RGS12: variants seen among roughly 807,000 people sequenced by gnomAD.
RGS12 encodes regulator of G protein signaling 12, also known as regulator of G-protein signaling 12.
In RGS12, 66 loss-of-function variants were observed where a neutral mutation model predicts 120.1. The ratio of observed to expected loss-of-function variants is 0.55; its 90% confidence interval spans 0.45 to 0.67. The LOEUF is 0.67. Ranked by LOEUF, RGS12 falls within the 30% of genes least tolerant of loss-of-function variation. The pLI is 0.00. For missense variants in RGS12, 1,859 were observed against 1,957.7 expected (o/e 0.95, Z 0.95); for synonymous variants, 827 against 804.7 (o/e 1.03, Z -0.47).
chr4:3,286,595 C>A, the RGS12 span, among the ~76,000 whole-genome samples: 1 of 152,142 alleles, frequency 6.6e-6, no homozygotes, highest in Non-Finnish European at 1.5e-5. Context: ...CTGGGGGCTG[C>A]GGTGTGGGGT....
intron 3 of RGS12, among the ~76,000 whole-genome samples, chr4:3,379,607 A>G (rs1021830430): frequency 3.9e-5 from 6 of 152,222 alleles, no homozygotes; most frequent in East Asian, 1.9e-4. Flanking sequence ...ACAGTTTCAC[A>G]TGGCTGGGGA....
intron 3 of RGS12, among the ~76,000 whole-genome samples, chr4:3,343,604 T>C (rs1273545272): frequency 6.6e-6 from 1 of 152,054 alleles, no homozygotes; most frequent in Admixed American, 6.5e-5. Flanking sequence ...TGTAGACATA[T>C]GATTATTAGC....
chr4:3,431,166 G>A (rs778881187), intron 17 of RGS12: 41 of 1,414,506 alleles, frequency 2.9e-5, no homozygotes, highest in East Asian at 7.9e-5. Context: ...TGGTCCCCCC[G>A]AGGCGCTCTG....
intron 3 of RGS12, among the ~76,000 whole-genome samples, chr4:3,351,448 T>G (rs1714348147): frequency 6.6e-6 from 1 of 152,192 alleles, no homozygotes; most frequent in African/African-American, 2.4e-5. Flanking sequence ...TTCATCACCC[T>G]AAGCAATTGT....
chr4:3,307,248 G>C (rs1724025086), intron 1 of RGS12, among the ~76,000 whole-genome samples: 1 of 152,202 alleles, frequency 6.6e-6, no homozygotes, highest in Non-Finnish European at 1.5e-5. Flanking sequence ...CTTTGCCGAC[G>C]CACCTTGCTC....
chr4:3,329,180 C>T (rs1444111460), intron 2 of RGS12, among the ~76,000 whole-genome samples: 1 of 152,118 alleles, frequency 6.6e-6, no homozygotes, highest in East Asian at 1.9e-4. Context: ...TTGGAGAGCA[C>T]CAGGGGGTCA....
At chr4:3,414,634 C>T (rs890030043) in intron 5 of RGS12, 118 bp from the exon 6 acceptor site, 1 of 757,206 alleles carries the variant, frequency 1.3e-6, no homozygotes, top group Admixed American at 2.1e-5. Context: ...GTTTCTCTCT[C>T]CAGGCCCTCG....
chr4:3,322,806 A>G (rs1454073001), intron 2 of RGS12, among the ~76,000 whole-genome samples: 2 of 152,094 alleles, frequency 1.3e-5, no homozygotes, highest in African/African-American at 4.8e-5. Flanking sequence ...ACCCACAAAA[A>G]TAAAGACTCG....
intron 2 of RGS12, among the ~76,000 whole-genome samples, chr4:3,329,565 G>A (rs925925406): frequency 2.0e-5 from 3 of 147,642 alleles, no homozygotes; most frequent in East Asian, 1.9e-4. Context: ...TTACACAAAC[G>A]TCCCCTCATA....
chr4:3,337,838 C>T (rs1451523960), intron 2 of RGS12, among the ~76,000 whole-genome samples: 2 of 152,124 alleles, frequency 1.3e-5, no homozygotes, highest in African/African-American at 2.4e-5. Flanking sequence ...TTTGTGTTAT[C>T]TGGATTTTAA....
intron 1 of RGS12, among the ~76,000 whole-genome samples, chr4:3,297,865 G>A (rs1049319189): frequency 3.9e-5 from 6 of 152,048 alleles, no homozygotes; most frequent in African/African-American, 1.2e-4. Flanking sequence ...TCCTCGTTTT[G>A]CTGAAGTCCT....
intron 1 of RGS12, among the ~76,000 whole-genome samples, chr4:3,304,621 A>G (rs1723871600): frequency 6.6e-6 from 1 of 152,050 alleles, no homozygotes; most frequent in Non-Finnish European, 1.5e-5. Flanking sequence ...TGAGATTATG[A>G]TCAGTTCGGC....
chr4:3,439,076 G>A (rs1470992483), intron 17 of RGS12, among the ~76,000 whole-genome samples: 1 of 151,976 alleles, frequency 6.6e-6, no homozygotes, highest in Non-Finnish European at 1.5e-5. Flanking sequence ...CTTGAGGATG[G>A]GCCCTGGGCC....
chr4:3,332,685 T>C (rs1253269537), intron 2 of RGS12, among the ~76,000 whole-genome samples: 1 of 152,240 alleles, frequency 6.6e-6, no homozygotes, highest in Non-Finnish European at 1.5e-5. Context: ...CCTCATGGAC[T>C]GCGGGAATGA....
chr4:3,289,207 C>G (rs1234447957), upstream of RGS12, among the ~76,000 whole-genome samples: 3 of 152,078 alleles, frequency 2.0e-5, no homozygotes, highest in African/African-American at 7.2e-5. Flanking sequence ...TTAACCATCA[C>G]AATTTTTTTT....
At chr4:3,409,266 T>C (rs1421983562) in intron 4 of RGS12, among the ~76,000 whole-genome samples, 1 of 152,212 alleles carries the variant, frequency 6.6e-6, no homozygotes, top group Non-Finnish European at 1.5e-5. Flanking sequence ...GGGGAGGGAA[T>C]ACAGATTCCC....
chr4:3,431,343 G>C, intron 17 of RGS12: 1 of 1,064,016 alleles, frequency 9.4e-7, no homozygotes, highest in Non-Finnish European at 1.1e-6. Context: ...CTCAAGACTG[G>C]AAAACAATAG....
At chr4:3,290,520 A>C (rs1267748529), upstream of RGS12, among the ~76,000 whole-genome samples, 1 of 152,258 alleles carries the variant, frequency 6.6e-6, no homozygotes, top group Non-Finnish European at 1.5e-5. Flanking sequence ...CTCAAGGGTC[A>C]TCCGTGTCGT....
Position 3,431,422 on chromosome 4 carries a change from C to T in RGS12, c.4114+467C>T, listed in dbSNP as rs977031985. 1.0e-5 allele frequency: 10 copies of T among 998,110 alleles called. No homozygotes were observed. The Admixed American group carries it at 2.2e-4, about 22-fold the overall frequency. The allele number at this position is 998,110 out of a possible 1,614,324, so 61.8% of individuals were successfully genotyped here. A position where few individuals can be genotyped will look rare whatever the true frequency, so the allele number is the denominator to read the frequency against. On this transcript the variant is annotated intron_variant, in intron 17 of 17. Transcript: ENST00000336727. ...AGGAGAGGGCTCCCAGACACAGGCC[C>T]GTCCTCGGAAGAGCCTTGAGAGTGC... is the stretch of plus-strand genomic sequence containing the variant.
Sources: allele counts gnomAD v4.1 joint callset (sites outside exome capture counted in the v4.1 genomes callset), GRCh38; gene constraint gnomAD v4.1.1; transcripts MANE v1.5; gene names NCBI Gene and HGNC (gene_info 2026-07-23, HGNC 2026-07-21).